FREM1: variants seen among roughly 807,000 people sequenced by gnomAD.
FREM1 encodes FRAS1-related extracellular matrix protein 1.
Under a neutral mutation model 210.1 loss-of-function variants are expected in FREM1, and 220 were observed. That is an observed-to-expected ratio of 1.05 (90% CI 0.94 to 1.17). FREM1 has a LOEUF of 1.17. Ranked by LOEUF, FREM1 falls within the 50% of genes most tolerant of loss-of-function variation. The pLI, the probability that FREM1 is intolerant of heterozygous loss-of-function variation, is 0.00. For synonymous variants in FREM1, 1,189 were observed against 980.2 expected (o/e 1.21, Z -3.98); for missense variants, 3,454 against 2,675.5 (o/e 1.29, Z -6.42).
chr9:14,899,383 T>TG (rs1201712309), intron 1 of FREM1, among the ~76,000 whole-genome samples: 4 of 152,178 alleles, frequency 2.6e-5, no homozygotes, highest in Non-Finnish European at 5.9e-5. Context: ...TGGCAGAATT[T>TG]GGGGGTGGCC....
Position 14,889,751 on chromosome 9 carries a change from G to A in FREM1, c.-268+20163C>T, listed in dbSNP as rs145388367. On this transcript the variant is annotated intron_variant, in intron 1 of 36. Coordinates refer to ENST00000380880, the MANE Select transcript of FREM1 (RefSeq NM_001379081.2). ...AAACTCCTTTCCTTCTATGCTCTTA[G>A]GTTGTCCGGGGCCTTGTAAATTAGA... Among the ~76,000 whole-genome samples the A allele has an allele frequency of 1.8e-4, 28 of 152,298 alleles. No individual in the cohort carries two copies. In the East Asian group the frequency reaches 4.4e-3, roughly 24 times the overall value.
Position 14,851,357 on chromosome 9 carries a change from C to T in FREM1, c.1079G>A (p.Trp360Ter). The change falls in exon 6 of 37, where the codon TGG becomes TAG. Residue 360 changes from tryptophan (W) to a stop codon, truncating the protein, a stop_gained. Transcript: ENST00000380880. LOFTEE classifies it high-confidence loss of function. ...GATCTGCATGTCACTGAGATCTTTC[C>T]AGGTGAATGAGGAGATTGGTCTGGT... ...DHTRPISSFT[W>*]KDLSDMQIAY... 1 of 1,613,378 alleles carries T rather than the reference C, an allele frequency of 6.2e-7. No individual in the cohort carries two copies. The highest frequency in any genetic ancestry group is 8.5e-7 in the Non-Finnish European group (1 of 1,179,484).
At chr9:14,852,637 T>A (rs988261829) in intron 5 of FREM1, among the ~76,000 whole-genome samples, 4 of 152,176 alleles carry the variant, frequency 2.6e-5, no homozygotes, top group African/African-American at 9.7e-5. Context: ...GAAGTTATGG[T>A]GAGCTATGAT....
At chr9:14,744,792 T>C (rs1221339351) in intron 35 of FREM1, among the ~76,000 whole-genome samples, 9 of 152,338 alleles carry the variant, frequency 5.9e-5, no homozygotes, top group South Asian at 2.1e-4. Flanking sequence ...ATAGGGTAGA[T>C]GCATATAACT....
chr9:14,864,752 C>T (rs994709236), intron 2 of FREM1, among the ~76,000 whole-genome samples: 2 of 152,166 alleles, frequency 1.3e-5, no homozygotes, highest in Non-Finnish European at 2.9e-5. Flanking sequence ...CCATTGTGTT[C>T]GTGGTGTTTC....
rs1166931364 is a variant in FREM1 at position 14,780,376 on chromosome 9, C to T, written c.4442+3994G>A. 3.6e-5 allele frequency among the ~76,000 whole-genome samples: 5 copies of T among 140,290 alleles called. No individual in the cohort carries two copies. The East Asian group carries it at 1.1e-3, about 30-fold the overall frequency. 92.0% of individuals were successfully genotyped at this position (140,290 alleles called of 152,430 possible). Reference sequence around the variant, plus strand: ...CAATAGAGTTGGCTGAAGAAGCTGCCATCTGTCATGGCATTTAAGAGATAA... The same window carrying T: ...CAATAGAGTTGGCTGAAGAAGCTGCTATCTGTCATGGCATTTAAGAGATAA... On this transcript the variant is annotated intron_variant, in intron 24 of 36. Coordinates refer to ENST00000380880, the MANE Select transcript of FREM1 (RefSeq NM_001379081.2).
rs56960871 is a variant in FREM1, at chr9:14,865,661, C to CTGTGTGTGTGTGTGTGTG, written c.235-1776_235-1759dup. On this transcript the variant is annotated intron_variant, in intron 2 of 36. Coordinates refer to ENST00000380880, the MANE Select transcript of FREM1 (RefSeq NM_001379081.2). ...GCTCTATTAAAGAATAATGTTTAGG[C>CTGTGTGTGTGTGTGTGTG]TGTGTGTGTGTGTGTGTGTGTGTGT... Among the ~76,000 whole-genome samples the CTGTGTGTGTGTGTGTGTG allele has an allele frequency of 1.6e-4, 23 of 144,512 alleles. 1 individual carries two copies. The highest frequency in any genetic ancestry group is 5.2e-4 in the African/African-American group (20 of 38,610). The allele number at this position is 144,512 out of a possible 152,430, so 94.8% of individuals were successfully genotyped here.
intron 1 of FREM1, among the ~76,000 whole-genome samples, chr9:14,905,220 T>A (rs149015678): frequency 4.1e-4 from 62 of 152,320 alleles, no homozygotes; most frequent in Non-Finnish European, 7.9e-4. Context: ...TCAATAAATA[T>A]CAGTTGAGTG....
rs761783649 is a variant in FREM1, at chr9:14,824,030, T to G, written c.2164A>C (p.Thr722Pro). ...ATTTTAGCATATCCTCATACCTGAGTGAATGACCTCAGCTCCAGGGCCGTA... is the reference window on the plus strand; with the variant it reads ...ATTTTAGCATATCCTCATACCTGAGGGAATGACCTCAGCTCCAGGGCCGTA... ...NPTALELRSF[T>P]QHAVNYMKVA... Residue 722 changes from threonine to proline, a missense_variant, in exon 12 of 37, where the codon ACT (threonine) becomes CCT (proline). Physicochemically the swap from Thr to Pro is conservative, Grantham distance 38. Transcript: ENST00000380880. 2.4e-5 allele frequency: 38 copies of G among 1,584,718 alleles called. No homozygotes were observed. In the South Asian group the frequency reaches 4.1e-4, roughly 17 times the overall value.
chr9:14,773,638 C>G (rs1020432055), intron 25 of FREM1, among the ~76,000 whole-genome samples: 3 of 146,734 alleles, frequency 2.0e-5, no homozygotes, highest in Admixed American at 1.4e-4. Flanking sequence ...AAGCCTTATA[C>G]TTTTGACAAA....
At chr9:14,842,688 A>T in intron 8 of FREM1, 28 bp from the exon 9 acceptor site, 1 of 1,552,798 alleles carries the variant, frequency 6.4e-7, no homozygotes, top group Non-Finnish European at 8.9e-7. Flanking sequence ...GATGGAGCAG[A>T]TTGAGCAAGG....
At chr9:14,829,440 A>G (rs140949398) in intron 10 of FREM1, among the ~76,000 whole-genome samples, 1 of 152,262 alleles carries the variant, frequency 6.6e-6, no homozygotes, top group African/African-American at 2.4e-5. Flanking sequence ...GTGTCTTCCA[A>G]CAAGCATATG....
chr9:14,861,304 C>CAT lies in FREM1; in HGVS notation c.330-1822_330-1821dup, dbSNP rs1238662144. Reference sequence around the variant, plus strand: ...ATATATACATATATACATATATACACATATATACATATATACACATATATA... The same window carrying CAT: ...ATATATACATATATACATATATACACATATATATACATATATACACATATATA... On this transcript the variant is annotated intron_variant, in intron 3 of 36. Coordinates refer to ENST00000380880, the MANE Select transcript of FREM1 (RefSeq NM_001379081.2). 6.2e-4 allele frequency among the ~76,000 whole-genome samples: 65 copies of CAT among 104,152 alleles called. 3 individuals carry two copies. The highest frequency in any genetic ancestry group is 5.7e-3 in the Middle Eastern group (1 of 174). The allele number at this position is 104,152 out of a possible 152,430, so 68.3% of individuals were successfully genotyped here.
intron 5 of FREM1, among the ~76,000 whole-genome samples, chr9:14,852,562 G>T (rs779922184): frequency 6.6e-6 from 1 of 152,142 alleles, no homozygotes; most frequent in Non-Finnish European, 1.5e-5. Flanking sequence ...CAGGCATGGT[G>T]GTGCACACCT....
chr9:14,768,068 T>A (rs1587829626), intron 27 of FREM1, among the ~76,000 whole-genome samples: 1 of 152,178 alleles, frequency 6.6e-6, no homozygotes, highest in South Asian at 2.1e-4. Context: ...ATATAAATCA[T>A]CTTCCAAAAG....
At chr9:14,791,968 A>G (rs1332399539) in intron 22 of FREM1, among the ~76,000 whole-genome samples, 1 of 151,942 alleles carries the variant, frequency 6.6e-6, no homozygotes, top group East Asian at 1.9e-4. Flanking sequence ...CTGCAGAGTA[A>G]TGAGTAGCTG....
At chr9:14,893,544 T>TTG (rs1837228016) in intron 1 of FREM1, among the ~76,000 whole-genome samples, 2 of 152,172 alleles carry the variant, frequency 1.3e-5, no homozygotes, top group African/African-American at 4.8e-5. Context: ...GTTATATGTG[T>TTG]TGTGTGTGTA....
chr9:14,777,108 T>C (rs954757258), intron 24 of FREM1, among the ~76,000 whole-genome samples: 3 of 152,100 alleles, frequency 2.0e-5, no homozygotes, highest in Admixed American at 6.5e-5. Flanking sequence ...CACAAAAGAG[T>C]TGTGGTGCCT....
At chr9:14,790,161 C>A (rs1851058776) in intron 22 of FREM1, among the ~76,000 whole-genome samples, 1 of 152,204 alleles carries the variant, frequency 6.6e-6, no homozygotes, top group Non-Finnish European at 1.5e-5. Context: ...GGGATGAAGA[C>A]ACTGACCTTT....
Sources: allele counts gnomAD v4.1 joint callset (sites outside exome capture counted in the v4.1 genomes callset), GRCh38; gene constraint gnomAD v4.1.1; transcripts MANE v1.5; gene names NCBI Gene and HGNC (gene_info 2026-07-23, HGNC 2026-07-21).